ATP10D: variants seen among roughly 807,000 people sequenced by gnomAD.
ATP10D encodes phospholipid-transporting ATPase VD.
Under a neutral mutation model 144.8 loss-of-function variants are expected in ATP10D, and 89 were observed. The observed-to-expected ratio is 0.61, with a 90% CI of 0.52 to 0.73. ATP10D has a LOEUF of 0.73. Ranked by LOEUF, ATP10D falls within the 30% of genes least tolerant of loss-of-function variation. The pLI is 0.00. For missense variants in ATP10D, 1,603 were observed against 1,714.8 expected, an observed-to-expected ratio of 0.93 and a Z score of 1.15; for synonymous variants, 571 against 615.1, an observed-to-expected ratio of 0.93 and a Z score of 1.06.
At chr4:47,506,857 T>G (rs914804575) in intron 1 of ATP10D, among the ~76,000 whole-genome samples, 1 of 152,308 alleles carries the variant, frequency 6.6e-6, no homozygotes, top group Non-Finnish European at 1.5e-5. Context: ...TCTGAAAAAT[T>G]ATCTCTTTGA....
intron 12 of ATP10D, among the ~76,000 whole-genome samples, chr4:47,558,696 G>A (rs1028804931): frequency 1.3e-5 from 2 of 152,200 alleles, no homozygotes; most frequent in African/African-American, 4.8e-5. Flanking sequence ...TGATGATTTG[G>A]GAACAGTGTT....
chr4:47,531,450 C>T (rs974802737), intron 5 of ATP10D, among the ~76,000 whole-genome samples: 2 of 152,146 alleles, frequency 1.3e-5, no homozygotes, highest in African/African-American at 4.8e-5. Context: ...TTGTATTGTT[C>T]TATGTGGCTA....
At chr4:47,564,950 C>A (rs1719528123) in intron 15 of ATP10D, among the ~76,000 whole-genome samples, 1 of 152,006 alleles carries the variant, frequency 6.6e-6, no homozygotes, top group Admixed American at 6.5e-5. Flanking sequence ...GATTGGTTAA[C>A]ATGTTTTCGT....
Position 47,536,489 on chromosome 4 carries a change from C to T in ATP10D, c.1068C>T (p.Pro356=), listed in dbSNP as rs768036403. The T allele has an allele frequency of 8.1e-6, 13 of 1,613,364 alleles. No homozygotes were observed. Among genetic ancestry groups the T allele is most frequent in the South Asian group, 6.6e-5 (6 of 91,054 alleles). The part of the protein sequence containing the change: ...RYEKMHFFNV[P]EPDGHIISPL... ...AAAAGATGCATTTTTTCAATGTTCCCGAGCCTGATGGACATATCATATCAC... is the reference window on the plus strand; with the variant it reads ...AAAAGATGCATTTTTTCAATGTTCCTGAGCCTGATGGACATATCATATCAC... The change falls in exon 8 of 23, where the codon CCC becomes CCT. Residue 356 remains proline (P), a synonymous_variant. Coordinates refer to ENST00000273859, the MANE Select transcript of ATP10D (RefSeq NM_020453.4).
chr4:47,555,437 T>A (rs9790830), intron 11 of ATP10D, among the ~76,000 whole-genome samples: 35,300 of 152,162 alleles, frequency 0.23, 4,132 homozygotes, highest in East Asian at 0.29. Flanking sequence ...TATTAACAAG[T>A]TGAATCCTCC....
intron 1 of ATP10D, among the ~76,000 whole-genome samples, chr4:47,492,638 G>A (rs1185348897): frequency 1.3e-5 from 2 of 152,128 alleles, no homozygotes; most frequent in Non-Finnish European, 2.9e-5. Context: ...ATGTGCTGAA[G>A]TAATTTTTAG....
intron 22 of ATP10D, among the ~76,000 whole-genome samples, chr4:47,589,441 A>AT (rs1720930072): frequency 6.6e-6 from 1 of 152,148 alleles, no homozygotes; most frequent in African/African-American, 2.4e-5. Flanking sequence ...GGCAGGATGA[A>AT]TTTTGGCACA....
At chr4:47,527,584 C>T (rs571488515) in intron 5 of ATP10D, among the ~76,000 whole-genome samples, 3 of 152,102 alleles carry the variant, frequency 2.0e-5, no homozygotes, top group South Asian at 2.1e-4. Context: ...AAAGGAATCT[C>T]GAAACCCAGT....
chr4:47,543,981 A>T (rs1177883817), intron 9 of ATP10D, among the ~76,000 whole-genome samples: 1 of 152,148 alleles, frequency 6.6e-6, no homozygotes, highest in African/African-American at 2.4e-5. Flanking sequence ...CATTTAATAA[A>T]TTTTTATTTA....
chr4:47,563,431 G>A (rs1022329120), intron 14 of ATP10D, 150 bp from the exon 15 acceptor site: 8 of 563,178 alleles, frequency 1.4e-5, no homozygotes, highest in African/African-American at 1.3e-4. Context: ...GGTCTGGGTC[G>A]TCAAACCTCC....
At chr4:47,548,156 A>C (rs1330931588) in intron 10 of ATP10D, among the ~76,000 whole-genome samples, 2 of 152,198 alleles carry the variant, frequency 1.3e-5, no homozygotes, top group Non-Finnish European at 2.9e-5. Context: ...GTTTGGTAAT[A>C]AGGTGGATCT....
At chr4:47,579,213 TTTC>T (rs1393559052) in intron 19 of ATP10D, among the ~76,000 whole-genome samples, 1 of 152,246 alleles carries the variant, frequency 6.6e-6, no homozygotes, top group Non-Finnish European at 1.5e-5. Context: ...TCTCTTACTC[TTTC>T]TTTTTTTCTC....
chr4:47,558,998 A>G lies in ATP10D; in HGVS notation c.2510A>G (p.Gln837Arg). ...TQKHLDDYAK[Q>R]GLRTLCIAKK... ...AAGCACTTGGATGACTATGCCAAAC[A>G]AGGCCTTCGTACTTTATGTATAGCA... is the stretch of plus-strand genomic sequence containing the variant. Residue 837 changes from glutamine (Q) to arginine (R), a missense_variant, in exon 13 of 23, where the codon CAA becomes CGA. Coordinates refer to ENST00000273859, the MANE Select transcript of ATP10D (RefSeq NM_020453.4). 6.2e-7 allele frequency: 1 copy of G among 1,614,150 alleles called. No homozygotes were observed. The highest frequency in any genetic ancestry group is 8.5e-7 in the Non-Finnish European group (1 of 1,179,984).
Position 47,536,051 on chromosome 4 carries a change from AT to A in ATP10D, c.1015+21del, listed in dbSNP as rs1717831736. The A allele has an allele frequency of 6.3e-7, 1 of 1,594,384 alleles. No individual in the cohort carries two copies. The highest frequency in any genetic ancestry group is 8.5e-7 in the Non-Finnish European group (1 of 1,172,290). On this transcript the variant is annotated intron_variant, in intron 7 of 22. Coordinates refer to ENST00000273859, the MANE Select transcript of ATP10D (RefSeq NM_020453.4). ...CGCAGTAGGTAGGTAAAATTTGATT[AT>A]TTGCTGACATCTTTTCAGCAAGATA...
chr4:47,543,713 A>G (rs1298273876), intron 9 of ATP10D, among the ~76,000 whole-genome samples: 5 of 152,176 alleles, frequency 3.3e-5, no homozygotes, highest in Admixed American at 6.5e-5. Context: ...CTGTTTAATC[A>G]TGGTTGAACT....
chr4:47,493,696 G>C (rs530854243), intron 1 of ATP10D, among the ~76,000 whole-genome samples: 1 of 152,298 alleles, frequency 6.6e-6, no homozygotes, highest in East Asian at 1.9e-4. Flanking sequence ...GTGGCCCCCA[G>C]AGTAGGCCCC....
intron 22 of ATP10D, among the ~76,000 whole-genome samples, chr4:47,588,077 G>A (rs1720871129): frequency 1.3e-5 from 2 of 152,180 alleles, no homozygotes; most frequent in South Asian, 4.1e-4. Flanking sequence ...GAGGCTGGGT[G>A]TTGAGGGACA....
chr4:47,588,019 A>C (rs1720868864), intron 22 of ATP10D, among the ~76,000 whole-genome samples: 1 of 152,138 alleles, frequency 6.6e-6, no homozygotes. Context: ...ACATATGTAC[A>C]TTGTAACTGA....
At chr4:47,544,396 G>A (rs73813582) in intron 9 of ATP10D, among the ~76,000 whole-genome samples, 161 of 152,300 alleles carry the variant, frequency 1.1e-3, no homozygotes, top group African/African-American at 3.8e-3. Context: ...TATGTAAATA[G>A]AAAGGACGCA....
Sources: allele counts gnomAD v4.1 joint callset (sites outside exome capture counted in the v4.1 genomes callset), GRCh38; gene constraint gnomAD v4.1.1; transcripts MANE v1.5; gene names NCBI Gene and HGNC (gene_info 2026-07-23, HGNC 2026-07-21).